The following ABCC2 variants were observed in gnomAD, a reference collection of about 807,000 sequenced individuals.
ABCC2 encodes the protein ATP binding cassette subfamily C member 2, also known as ATP-binding cassette sub-family C member 2.
In ABCC2, 157 loss-of-function variants were observed where a neutral mutation model predicts 173.4. That is an observed-to-expected ratio of 0.91 (90% CI 0.80 to 1.03). The LOEUF (loss-of-function observed/expected upper bound fraction) is 1.03. ABCC2 is among the 50% of genes least tolerant of loss of function. The pLI is 0.00. For missense variants in ABCC2, 1,822 were observed against 1,852.3 expected (o/e 0.98, Z 0.30); for synonymous variants, 657 against 693.5 (o/e 0.95, Z 0.83).
At chr10:99,846,869 G>A (rs772610298) in intron 29 of ABCC2, 92 bp from the exon 30 acceptor site, 29 of 1,536,848 alleles carry the variant, frequency 1.9e-5, no homozygotes, top group Non-Finnish European at 2.5e-5. Context: ...TCCATCTCAG[G>A]CCAGTCCTAT....
chr10:99,785,390 G>A (rs2037689345), intron 2 of ABCC2, among the ~76,000 whole-genome samples: 1 of 152,160 alleles, frequency 6.6e-6, no homozygotes, highest in Non-Finnish European at 1.5e-5. Context: ...CCCTCAGCCA[G>A]CTGCACCAAC....
chr10:99,813,566 T>G (rs1270494772), intron 16 of ABCC2, among the ~76,000 whole-genome samples: 1 of 152,040 alleles, frequency 6.6e-6, no homozygotes, highest in African/African-American at 2.4e-5. Flanking sequence ...AAATACAAAA[T>G]TAGCCGGGTG....
chr10:99,784,751 C>A lies in ABCC2; in HGVS notation c.177C>A (p.Ser59=), dbSNP rs771802870. 1.3e-5 allele frequency: 21 copies of A among 1,614,006 alleles called. No homozygotes were observed. The part of the protein sequence containing the change: ...LHVYKSRTKR[S]STTKLYLAKQ... ...TGTATAAATCCAGGACCAAGAGATC[C>A]TCTACCACCAAACTCTATCTTGCTA... The change falls in exon 2 of 32, where the codon TCC becomes TCA. Residue 59 remains serine, a synonymous_variant. Transcript: ENST00000647814.
chr10:99,821,202 T>C (rs903615623), intron 19 of ABCC2, among the ~76,000 whole-genome samples: 37 of 152,378 alleles, frequency 2.4e-4, no homozygotes, highest in African/African-American at 8.4e-4. Flanking sequence ...TATTGCTGCC[T>C]GCTTGTCCCA....
Position 99,792,384 on chromosome 10 carries a change from T to G in ABCC2, c.333+25T>G, listed in dbSNP as rs371691299. ...GGTAAGACCTATACCACTTCTGCCC[T>G]GTTTACCTTTTCATTACCCATAGGC... On this transcript the variant is annotated intron_variant, in intron 3 of 31. Transcript: ENST00000647814. 2.9e-5 allele frequency: 46 copies of G among 1,613,106 alleles called. 1 individual carries two copies. The highest frequency in any genetic ancestry group is 3.4e-6 in the Non-Finnish European group (4 of 1,179,360).
intron 6 of ABCC2, among the ~76,000 whole-genome samples, chr10:99,795,738 G>A (rs28498571): frequency 0.017 from 481 of 28,644 alleles, 5 homozygotes; most frequent in Middle Eastern, 0.05. Flanking sequence ...AAAGAAAGAA[G>A]GAAAGAAAGA....
chr10:99,792,359 G>C lies in ABCC2; in HGVS notation c.333G>C (p.Trp111Cys). The C allele has an allele frequency of 6.2e-7, 1 of 1,613,866 alleles. No individual in the cohort carries two copies. The highest frequency in any genetic ancestry group is 1.3e-5 in the African/African-American group (1 of 75,018). The change falls in exon 3 of 32, where the codon TGG (tryptophan) becomes TGC (cysteine). Residue 111 changes from tryptophan (W) to cysteine (C), a missense_variant and splice_region_variant. By Grantham distance (215) the Trp-to-Cys change is radical. Coordinates refer to ENST00000647814, the MANE Select transcript of ABCC2 (RefSeq NM_000392.5). ...YTNPSLYLGT[W>C]LLVLLIQYSR... ...ATCCAAGCCTCTACCTAGGCACATG[G>C]GTAAGACCTATACCACTTCTGCCCT...
intron 6 of ABCC2, 159 bp downstream of exon 6, chr10:99,794,627 C>T (rs1227159308): frequency 1.1e-5 from 7 of 652,530 alleles, no homozygotes; most frequent in Non-Finnish European, 1.6e-5. Flanking sequence ...TCACTGCAAC[C>T]TCCACCTCCT....
chr10:99,835,960 AG>A, intron 24 of ABCC2, 130 bp from the exon 25 acceptor site: 1 of 878,508 alleles, frequency 1.1e-6, no homozygotes, highest in Non-Finnish European at 1.9e-6. Flanking sequence ...ATGGCACTGC[AG>A]GCTTTTGTCT....
chr10:99,802,264 T>C (rs905635080), intron 9 of ABCC2, among the ~76,000 whole-genome samples: 3 of 152,216 alleles, frequency 2.0e-5, no homozygotes, highest in East Asian at 3.8e-4. Flanking sequence ...GTTTAGACAA[T>C]GCTTCACTAC....
intron 12 of ABCC2, 99 bp from the exon 13 acceptor site, chr10:99,807,984 A>T: frequency 7.0e-7 from 1 of 1,430,768 alleles, no homozygotes; most frequent in Non-Finnish European, 9.8e-7. Flanking sequence ...GATGATCCTT[A>T]AGGCGCCTTC....
In ABCC2 at chr10:99,797,334, A is replaced by G; in HGVS notation, c.867+3A>G. 6.2e-7 allele frequency: 1 copy of G among 1,609,704 alleles called. No homozygotes were observed. Among genetic ancestry groups the G allele is most frequent in the South Asian group, 1.1e-5 (1 of 90,276 alleles). On this transcript the variant is annotated splice_donor_region_variant and intron_variant, in intron 7 of 31. Coordinates refer to ENST00000647814, the MANE Select transcript of ABCC2 (RefSeq NM_000392.5). ...AAAGCCAAGATGCCCTTGTCCTGGT[A>G]ACTTTCCCTTGAGTGTCTGTGTGAG...
rs1564683447 is a variant in ABCC2, at chr10:99,814,180, T to TGTGC, written c.2094+1036_2094+1037insGTGC. Among the ~76,000 whole-genome samples, 81 of 128,972 alleles carry TGTGC rather than the reference T, an allele frequency of 6.3e-4. 3 individuals are homozygous for TGTGC. The highest frequency in any genetic ancestry group is 2.1e-3 in the African/African-American group (72 of 34,714). 84.6% of individuals were successfully genotyped at this position (128,972 alleles called of 152,430 possible). A position where few individuals can be genotyped will look rare whatever the true frequency, so the allele number is the denominator to read the frequency against. On this transcript the variant is annotated intron_variant, in intron 16 of 31. Coordinates refer to ENST00000647814, the MANE Select transcript of ABCC2 (RefSeq NM_000392.5). ...ATACACACGTATATATACACACATG[T>TGTGC]ATGTATACACACATGTGTATATATA...
chr10:99,805,499 C>T (rs1485424500), intron 11 of ABCC2, 52 bp downstream of exon 11: 3 of 1,559,318 alleles, frequency 1.9e-6, no homozygotes, highest in African/African-American at 1.4e-5. Flanking sequence ...GAAGCAGTGG[C>T]TCTCTTGGCC....
intron 2 of ABCC2, among the ~76,000 whole-genome samples, chr10:99,789,967 T>C (rs1336453792): frequency 6.6e-6 from 1 of 152,170 alleles, no homozygotes; most frequent in Non-Finnish European, 1.5e-5. Flanking sequence ...AATGATTCCT[T>C]GAGATGCTGT....
In ABCC2 at chr10:99,834,602, G is replaced by A. The variant is rs2038789891; in HGVS notation, c.3414+67G>A. 1.9e-6 allele frequency: 3 copies of A among 1,552,516 alleles called. No homozygotes were observed. In the Admixed American group the frequency reaches 5.0e-5, roughly 26 times the overall value. On this transcript the variant is annotated intron_variant, in intron 24 of 31. Coordinates refer to ENST00000647814, the MANE Select transcript of ABCC2 (RefSeq NM_000392.5). ...TCTATAAAAGCCCAGCCTCTTTCCTGAGAATCTTCTCTCTGATTCATTGCT... is the reference window on the plus strand; with the variant it reads ...TCTATAAAAGCCCAGCCTCTTTCCTAAGAATCTTCTCTCTGATTCATTGCT...
intron 14 of ABCC2, 63 bp from the exon 15 acceptor site, chr10:99,811,473 A>T (rs2133043355): frequency 6.6e-7 from 1 of 1,518,952 alleles, no homozygotes; most frequent in Middle Eastern, 1.8e-4. Context: ...GGAGAGAGAC[A>T]CGTGAGGGCA....
intron 29 of ABCC2, among the ~76,000 whole-genome samples, chr10:99,846,345 G>T (rs1033549026): frequency 2.0e-5 from 3 of 152,204 alleles, no homozygotes; most frequent in African/African-American, 7.2e-5. Context: ...AGTTCCTCTG[G>T]GGGTAGTTTT....
intron 16 of ABCC2, among the ~76,000 whole-genome samples, chr10:99,814,057 A>C (rs2038264611): frequency 6.6e-6 from 1 of 150,844 alleles, no homozygotes; most frequent in South Asian, 2.1e-4. Context: ...CTTCTTCATC[A>C]ATTTTGTATA....
Sources: allele counts gnomAD v4.1 joint callset (sites outside exome capture counted in the v4.1 genomes callset), GRCh38; gene constraint gnomAD v4.1.1; transcripts MANE v1.5; gene names NCBI Gene and HGNC (gene_info 2026-07-23, HGNC 2026-07-21).